Variants in UGT1A10 observed in about 807,000 individuals in gnomAD.
The protein encoded by UGT1A10 is UDP-glucuronosyltransferase 1A10.
Under a neutral mutation model 45.8 loss-of-function variants are expected in UGT1A10, and 49 were observed. That is an observed-to-expected ratio of 1.07 (90% CI 0.85 to 1.36). The LOEUF (loss-of-function observed/expected upper bound fraction) is 1.36, where lower values mean the gene tolerates loss of function less well. Among genes scored for constraint, UGT1A10 ranks in the 40% most tolerant of loss-of-function variants. The pLI is 0.00. For missense variants in UGT1A10, 745 were observed against 668.6 expected, an observed-to-expected ratio of 1.11 and a Z score of -1.26; for synonymous variants, 284 against 249.7, an observed-to-expected ratio of 1.14 and a Z score of -1.29.
At chr2:233,745,942 T>C (rs1437822844) in intron 1 of UGT1A10, among the ~76,000 whole-genome samples, 1 of 151,412 alleles carries the variant, frequency 6.6e-6, no homozygotes, top group Non-Finnish European at 1.5e-5. Flanking sequence ...CAGCTGGGGG[T>C]TGGGCAACTG....
In UGT1A10 at chr2:233,748,004, T is replaced by C. The variant is rs554173710; in HGVS notation, c.856-19030T>C. On this transcript the variant is annotated intron_variant, in intron 1 of 4. Coordinates refer to ENST00000344644, the MANE Select transcript of UGT1A10 (RefSeq NM_019075.4). ...TGTTCCGAGGGGACTTTGTGATGGATTACCCCAGGCCGATCATGCCCAACA... is the reference window on the plus strand; with the variant it reads ...TGTTCCGAGGGGACTTTGTGATGGACTACCCCAGGCCGATCATGCCCAACA... 1,894 of 1,613,440 alleles carry C rather than the reference T, an allele frequency of 1.2e-3. 7 individuals are homozygous for C. Among genetic ancestry groups the C allele is most frequent in the Non-Finnish European group, 1.4e-3 (1,636 of 1,179,848 alleles).
rs753125541 is a variant in UGT1A10, at chr2:233,729,452, A to C, written c.856-37582A>C. The C allele has an allele frequency of 1.4e-5, 23 of 1,614,030 alleles. No individual in the cohort carries two copies. The highest frequency in any genetic ancestry group is 1.7e-4 in the Middle Eastern group (1 of 6,060). On this transcript the variant is annotated intron_variant, in intron 1 of 4. Transcript: ENST00000344644. ...TTTGAAACAGAACATTTTCTGAAGA[A>C]ATTTTTCAGAAGTATGGCAATGTTG...
At position 233,769,394 on chromosome 2, in the gene UGT1A10, T is replaced by C; in HGVS notation, c.1295+955T>C. On this transcript the variant is annotated intron_variant, in intron 4 of 4. Transcript: ENST00000344644. The surrounding 1 kb of genome is among the most constrained non-coding windows in gnomAD (Gnocchi z 4.4). The stretch of plus-strand genomic sequence containing the variant: ...ATTTCATCCGACAATAGATACTGTG[T>C]GCATATGTGCGTGTGCGTTTGTGCA... 1 of 1,112,930 alleles carries C rather than the reference T, an allele frequency of 9.0e-7. No homozygotes were observed. Among genetic ancestry groups the C allele is most frequent in the South Asian group, 1.4e-5 (1 of 69,644 alleles). 68.9% of individuals were successfully genotyped at this position (1,112,930 alleles called of 1,614,324 possible).
intron 1 of UGT1A10, among the ~76,000 whole-genome samples, chr2:233,669,769 C>T (rs1190907537): frequency 3.9e-5 from 6 of 152,092 alleles, no homozygotes; most frequent in Admixed American, 1.3e-4. Flanking sequence ...ATGCAACCTC[C>T]GCTTCCCGGG....
intron 1 of UGT1A10, chr2:233,682,523 G>C: frequency 4.3e-6 from 7 of 1,613,852 alleles, no homozygotes; most frequent in Non-Finnish European, 5.9e-6. Flanking sequence ...ACTTCTCTTA[G>C]GGTTCTCAGA....
intron 1 of UGT1A10, chr2:233,672,737 A>T (rs748958979): frequency 5.6e-6 from 9 of 1,613,796 alleles, no homozygotes; most frequent in Non-Finnish European, 7.6e-6. Flanking sequence ...GTGATGCCCA[A>T]CATGATCTTC....
At chr2:233,741,327 C>T (rs1174664524) in intron 1 of UGT1A10, among the ~76,000 whole-genome samples, 1 of 151,448 alleles carries the variant, frequency 6.6e-6, no homozygotes, top group Non-Finnish European at 1.5e-5. Flanking sequence ...TTCTACTCTA[C>T]CCAGAGTAGT....
At chr2:233,731,107 A>T (rs1222432137) in intron 1 of UGT1A10, among the ~76,000 whole-genome samples, 4 of 151,962 alleles carry the variant, frequency 2.6e-5, no homozygotes, top group Admixed American at 2.6e-4. Flanking sequence ...CTTTTTTATA[A>T]ATGTAGGTAT....
intron 1 of UGT1A10, among the ~76,000 whole-genome samples, chr2:233,736,611 AT>A (rs2078784415): frequency 6.6e-6 from 1 of 151,912 alleles, no homozygotes; most frequent in East Asian, 1.9e-4. Context: ...GGTTTTTAGA[AT>A]TTTCAGCTTT....
At chr2:233,699,340 A>T (rs2075499292) in intron 1 of UGT1A10, among the ~76,000 whole-genome samples, 1 of 152,158 alleles carries the variant, frequency 6.6e-6, no homozygotes, top group Admixed American at 6.5e-5. Flanking sequence ...CATCCACCCT[A>T]GGGCTAACCT....
intron 1 of UGT1A10, among the ~76,000 whole-genome samples, chr2:233,720,460 C>G (rs1575532860): frequency 6.6e-6 from 1 of 151,992 alleles, no homozygotes; most frequent in Non-Finnish European, 1.5e-5. Context: ...GAAGCTGGGA[C>G]CAGTGATGAA....
At chr2:233,751,657 CTGAG>C (rs111702425) in intron 1 of UGT1A10, among the ~76,000 whole-genome samples, 4 of 152,292 alleles carry the variant, frequency 2.6e-5, no homozygotes, top group African/African-American at 9.6e-5. Context: ...TCTCATCCTA[CTGAG>C]TGAGTTCTAA....
At position 233,637,169 on chromosome 2, in the gene UGT1A10, A is replaced by T. The variant is rs1192242289; in HGVS notation, c.647A>T (p.Asp216Val). 2.5e-6 allele frequency: 4 copies of T among 1,613,764 alleles called. No individual in the cohort carries two copies. The highest frequency in any genetic ancestry group is 3.4e-6 in the Non-Finnish European group (4 of 1,179,852). Residue 216 changes from aspartate to valine, a missense_variant, in exon 1 of 5, where the codon GAC (aspartate) becomes GTC (valine). Coordinates refer to ENST00000344644, the MANE Select transcript of UGT1A10 (RefSeq NM_019075.4). ...RVWNHIVHLE[D>V]HLFCQYLFRN... ...TGGAACCACATCGTGCACTTGGAGGACCATTTATTTTGCCAGTATCTTTTT... is the reference window on the plus strand; with the variant it reads ...TGGAACCACATCGTGCACTTGGAGGTCCATTTATTTTGCCAGTATCTTTTT...
intron 1 of UGT1A10, chr2:233,754,583 T>A (rs1211544533): frequency 2.3e-6 from 1 of 426,868 alleles, no homozygotes; most frequent in East Asian, 7.0e-5. Context: ...ATGCCGTTTA[T>A]TATGAAGGAC....
intron 1 of UGT1A10, among the ~76,000 whole-genome samples, chr2:233,705,897 G>A (rs557089333): frequency 4.5e-4 from 68 of 152,196 alleles, no homozygotes; most frequent in South Asian, 2.5e-3. Context: ...AGACTGCCCT[G>A]GCCAAAATAG....
chr2:233,724,512 C>A (rs1184546630), intron 1 of UGT1A10, among the ~76,000 whole-genome samples: 1 of 98,296 alleles, frequency 1.0e-5, no homozygotes, highest in Non-Finnish European at 2.1e-5. Context: ...CGCTCCTCAC[C>A]TCCCAGATGG....
chr2:233,710,884 G>A (rs539845882), intron 1 of UGT1A10, among the ~76,000 whole-genome samples: 10 of 152,338 alleles, frequency 6.6e-5, no homozygotes, highest in African/African-American at 1.9e-4. Flanking sequence ...AACAGTTTAA[G>A]TTTGTAGGTT....
intron 1 of UGT1A10, chr2:233,671,762 A>G: frequency 3.1e-6 from 4 of 1,305,574 alleles, no homozygotes; most frequent in Non-Finnish European, 3.0e-6. Flanking sequence ...AGCAAAAGCT[A>G]CTCATATATT....
chr2:233,713,156 C>CCA, intron 1 of UGT1A10: 1 of 1,614,194 alleles, frequency 6.2e-7, no homozygotes, highest in Non-Finnish European at 8.5e-7. Flanking sequence ...ATGCGAGAGG[C>CCA]CACCAGGTGG....
Sources: allele counts gnomAD v4.1 joint callset (sites outside exome capture counted in the v4.1 genomes callset), GRCh38; gene constraint gnomAD v4.1.1; non-coding constraint Gnocchi (gnomAD v3.1); transcripts MANE v1.5; gene names NCBI Gene and HGNC (gene_info 2026-07-23, HGNC 2026-07-21).